DISC1: variants seen among roughly 807,000 people sequenced by gnomAD.
DISC1 encodes DISC1 scaffold protein.
DISC1 carries 57 observed loss-of-function variants against 84.5 expected under a neutral mutation model. That is an observed-to-expected ratio of 0.67 (90% CI 0.55 to 0.84). The LOEUF is 0.84. Among genes scored for constraint, DISC1 ranks in the 40% least tolerant of loss-of-function variants. The pLI is 0.00. For missense variants in DISC1, 1,000 were observed against 1,057.8 expected (o/e 0.95, Z 0.76); for synonymous variants, 411 against 415.2 (o/e 0.99, Z 0.12).
intron 9 of DISC1, among the ~76,000 whole-genome samples, chr1:231,906,891 AACT>A (rs2088702063): frequency 6.6e-6 from 1 of 152,194 alleles, no homozygotes. Flanking sequence ...ATGAGTGAAT[AACT>A]ACATTACAAA....
chr1:232,026,057 C>T (rs979864271), intron 11 of DISC1, among the ~76,000 whole-genome samples: 1 of 152,072 alleles, frequency 6.6e-6, no homozygotes, highest in African/African-American at 2.4e-5. Flanking sequence ...ACAGGTTAGC[C>T]CAGTTGCTCC....
At chr1:231,878,333 C>A (rs1434642087) in intron 9 of DISC1, among the ~76,000 whole-genome samples, 42 of 152,088 alleles carry the variant, frequency 2.8e-4, no homozygotes, top group Non-Finnish European at 1.5e-5. Flanking sequence ...ACAGAGAGAC[C>A]GCCCTGAGGA....
In DISC1 at chr1:231,770,943, G is replaced by A. The variant is rs960137621; in HGVS notation, c.1507G>A (p.Asp503Asn). Residue 503 changes from aspartate (D) to asparagine (N), a missense_variant, in exon 6 of 13, where the codon GAC (aspartate) becomes AAC (asparagine). Around this residue, in one of 3 missense-constraint regions of DISC1, gnomAD observed 311 missense variants for 400.1 expected, o/e 0.78. Coordinates refer to ENST00000439617, the MANE Select transcript of DISC1 (RefSeq NM_018662.3). Reference protein sequence around the residue: ...QEQQLQWQGCDLTPLVGQLSL... With the variant: ...QEQQLQWQGCNLTPLVGQLSL... ...GCAGCAACTCCAGTGGCAGGGCTGC[G>A]ACCTGACCCCACTGGTGGGCCAGCT... The A allele has an allele frequency of 5.6e-6, 9 of 1,614,114 alleles. No homozygotes were observed. Among genetic ancestry groups the A allele is most frequent in the African/African-American group, 2.7e-5 (2 of 75,066 alleles).
intron 6 of DISC1, among the ~76,000 whole-genome samples, chr1:231,784,947 G>A (rs2077717043): frequency 6.6e-6 from 1 of 152,182 alleles, no homozygotes; most frequent in Non-Finnish European, 1.5e-5. Context: ...TGCTTCTGAT[G>A]AATTTATGTA....
At position 231,824,163 on chromosome 1, in the gene DISC1, C is replaced by T. The variant is rs562502435; in HGVS notation, c.1981+5646C>T. On this transcript the variant is annotated intron_variant, in intron 9 of 12. Transcript: ENST00000439617. ...CTATGTATAAGAAAACTTAGCTCTC[C>T]GGGCCAGAACGGTGATAGTGCTCTT... 3.3e-5 allele frequency among the ~76,000 whole-genome samples: 5 copies of T among 152,182 alleles called. No individual in the cohort carries two copies. The South Asian group carries it at 1.0e-3, about 32-fold the overall frequency.
At chr1:232,028,583 C>A (rs957081818) in intron 12 of DISC1, among the ~76,000 whole-genome samples, 9 of 152,060 alleles carry the variant, frequency 5.9e-5, no homozygotes, top group Non-Finnish European at 1.3e-4. Context: ...CATTAGGGTT[C>A]CCATCTGTAA....
chr1:231,876,273 G>A (rs531015846), intron 9 of DISC1, among the ~76,000 whole-genome samples: 7 of 152,204 alleles, frequency 4.6e-5, no homozygotes, highest in East Asian at 1.9e-4. Flanking sequence ...GCACCTCCCC[G>A]CTTGCTCTCT....
intron 9 of DISC1, among the ~76,000 whole-genome samples, chr1:231,890,777 C>T (rs1377826609): frequency 1.3e-5 from 2 of 152,108 alleles, no homozygotes; most frequent in Admixed American, 1.3e-4. Context: ...TAAATGATAC[C>T]ATATCCTCGT....
intron 5 of DISC1, among the ~76,000 whole-genome samples, chr1:231,767,513 T>C (rs900644930): frequency 2.0e-5 from 3 of 152,208 alleles, no homozygotes; most frequent in Non-Finnish European, 4.4e-5. Context: ...CTCAGGCTGC[T>C]CTTGAACTCC....
chr1:232,007,130 G>A (rs1667558874), intron 10 of DISC1, among the ~76,000 whole-genome samples: 1 of 152,212 alleles, frequency 6.6e-6, no homozygotes, highest in Non-Finnish European at 1.5e-5. Flanking sequence ...TTTGCTGCAG[G>A]GGTGGAGCAC....
At chr1:231,886,399 A>C (rs941600748) in intron 9 of DISC1, among the ~76,000 whole-genome samples, 3 of 152,228 alleles carry the variant, frequency 2.0e-5, no homozygotes, top group Non-Finnish European at 4.4e-5. Context: ...GTTGTTAAGG[A>C]AAGAATTTCC....
At chr1:231,672,298 A>G (rs188475190) in intron 1 of DISC1, among the ~76,000 whole-genome samples, 59 of 152,286 alleles carry the variant, frequency 3.9e-4, no homozygotes, top group Non-Finnish European at 7.5e-4. Flanking sequence ...AGTTGGGGAC[A>G]TGAACTCATT....
intron 9 of DISC1, among the ~76,000 whole-genome samples, chr1:231,901,336 AT>A (rs1014015556): frequency 3.3e-5 from 5 of 152,228 alleles, no homozygotes; most frequent in African/African-American, 9.6e-5. Context: ...AGTAAATTTA[AT>A]TTTAGAACAT....
At chr1:231,820,775 A>T (rs1007001099) in intron 9 of DISC1, among the ~76,000 whole-genome samples, 1 of 152,218 alleles carries the variant, frequency 6.6e-6, no homozygotes. Context: ...TGCTACGGCC[A>T]CATCCCTGTG....
chr1:232,004,771 T>C (rs1667127510), intron 10 of DISC1, among the ~76,000 whole-genome samples: 1 of 152,170 alleles, frequency 6.6e-6, no homozygotes, highest in Non-Finnish European at 1.5e-5. Flanking sequence ...GTTTCTAGTA[T>C]GGACCAGACC....
intron 9 of DISC1, among the ~76,000 whole-genome samples, chr1:231,924,303 A>G (rs2090199753): frequency 6.6e-6 from 1 of 152,186 alleles, no homozygotes; most frequent in Non-Finnish European, 1.5e-5. Flanking sequence ...CCGAGCACGA[A>G]CAGCTGTACA....
intron 9 of DISC1, among the ~76,000 whole-genome samples, chr1:231,912,258 T>C (rs2089269340): frequency 6.6e-6 from 1 of 152,242 alleles, no homozygotes; most frequent in African/African-American, 2.4e-5. Context: ...AGAGACACTC[T>C]GATTTTTAGA....
intron 7 of DISC1, among the ~76,000 whole-genome samples, chr1:231,797,950 G>T (rs1174943461): frequency 6.6e-6 from 1 of 151,962 alleles, no homozygotes; most frequent in East Asian, 1.9e-4. Flanking sequence ...GTGTGTGTGT[G>T]TTGTGGGCAG....
intron 9 of DISC1, among the ~76,000 whole-genome samples, chr1:231,829,858 G>A (rs935172800): frequency 1.3e-5 from 2 of 150,562 alleles, no homozygotes; most frequent in South Asian, 2.1e-4. Flanking sequence ...GTTCTCTGGC[G>A]GGCAGGAGTG....
Sources: gnomAD v4.1 joint callset for allele counts (sites outside exome capture counted in the v4.1 genomes callset) on GRCh38, gnomAD v4.1.1 for gene constraint, gnomAD v4.1.1 regional missense constraint, MANE v1.5 for transcripts, NCBI Gene and HGNC (gene_info 2026-07-23, HGNC 2026-07-21) for gene names.